Variants in RASEF observed in about 807,000 individuals in gnomAD.
RASEF encodes the protein RAS and EF-hand domain containing, also known as ras and EF-hand domain-containing protein.
A neutral mutation model predicts 90.1 loss-of-function variants in RASEF; 68 were observed. That is an observed-to-expected ratio of 0.75 (90% CI 0.62 to 0.92). The LOEUF (loss-of-function observed/expected upper bound fraction) is 0.92. Ranked by LOEUF, RASEF falls within the 40% of genes least tolerant of loss-of-function variation. RASEF has a pLI of 0.00. For missense variants in RASEF, 949 were observed against 937.2 expected, an observed-to-expected ratio of 1.01 and a Z score of -0.16; for synonymous variants, 331 against 345.2, an observed-to-expected ratio of 0.96 and a Z score of 0.46.
At chr9:83,067,681 A>G (rs140693072), upstream of RASEF, among the ~76,000 whole-genome samples, 1,002 of 152,334 alleles carry the variant, frequency 6.6e-3, 9 homozygotes, top group African/African-American at 0.023. Context: ...AATATCAAAT[A>G]CCATTACATG....
At chr9:83,044,803 G>A (rs1829899961) in intron 1 of RASEF, among the ~76,000 whole-genome samples, 1 of 152,172 alleles carries the variant, frequency 6.6e-6, no homozygotes, top group African/African-American at 2.4e-5. Flanking sequence ...ATGTTGCTGT[G>A]AAGGTACTCT....
the RASEF span, among the ~76,000 whole-genome samples, chr9:83,171,899 A>G: frequency 6.6e-6 from 1 of 151,224 alleles, no homozygotes; most frequent in African/African-American, 2.4e-5. Context: ...TCCTTTTCTT[A>G]GTTTCTATTT....
chr9:83,190,110 C>T, the RASEF span, among the ~76,000 whole-genome samples: 1 of 152,098 alleles, frequency 6.6e-6, no homozygotes, highest in Non-Finnish European at 1.5e-5. Context: ...ATCTCAGTGG[C>T]CTATACTTTC....
At chr9:83,204,165 T>G in the RASEF span, among the ~76,000 whole-genome samples, 1 of 151,974 alleles carries the variant, frequency 6.6e-6, no homozygotes, top group Non-Finnish European at 1.5e-5. Flanking sequence ...GGACCAAGTA[T>G]GGATGGTGAG....
chr9:83,134,876 G>A, the RASEF span, among the ~76,000 whole-genome samples: 2 of 152,084 alleles, frequency 1.3e-5, no homozygotes, highest in East Asian at 1.9e-4. Flanking sequence ...ATCCACCAGT[G>A]GTATCTCTAT....
chr9:83,114,253 G>T, the RASEF span, among the ~76,000 whole-genome samples: 2,092 of 152,204 alleles, frequency 0.014, 53 homozygotes, highest in African/African-American at 0.047. Flanking sequence ...AAGATTTCAT[G>T]GACACTTATC....
At chr9:83,096,265 T>C in the RASEF span, among the ~76,000 whole-genome samples, 3 of 152,166 alleles carry the variant, frequency 2.0e-5, no homozygotes, top group Non-Finnish European at 2.9e-5. Context: ...TCAAACACCA[T>C]GAGCTCTAAA....
the RASEF span, among the ~76,000 whole-genome samples, chr9:83,077,289 C>G: frequency 6.6e-6 from 1 of 152,058 alleles, no homozygotes; most frequent in Admixed American, 6.6e-5. Flanking sequence ...TCAGCTGCAT[C>G]CAGGGTGACA....
At chr9:83,019,886 A>G (rs780216783) in intron 3 of RASEF, among the ~76,000 whole-genome samples, 15 of 152,210 alleles carry the variant, frequency 9.9e-5, no homozygotes, top group Non-Finnish European at 1.5e-4. Context: ...ACAGCGACAG[A>G]AAATAGAACA....
At chr9:83,154,091 T>C in the RASEF span, among the ~76,000 whole-genome samples, 1 of 152,238 alleles carries the variant, frequency 6.6e-6, no homozygotes, top group East Asian at 1.9e-4. Flanking sequence ...AGACTCCAGA[T>C]AGCTGGAAAG....
intron 2 of RASEF, among the ~76,000 whole-genome samples, chr9:83,024,126 C>T (rs572617092): frequency 2.6e-5 from 4 of 152,140 alleles, no homozygotes; most frequent in Non-Finnish European, 4.4e-5. Context: ...TACAAGTAGC[C>T]ATTTAAACAC....
intron 1 of RASEF, chr9:83,055,617 C>A (rs1415680446): frequency 2.8e-6 from 2 of 718,106 alleles, no homozygotes; most frequent in Non-Finnish European, 5.2e-6. Context: ...TAGCCCATGA[C>A]AATGCACACA....
chr9:83,190,271 G>A, the RASEF span, among the ~76,000 whole-genome samples: 18 of 152,166 alleles, frequency 1.2e-4, no homozygotes, highest in East Asian at 2.7e-3. Context: ...AATATAAGCC[G>A]GATGGAAAAC....
intron 3 of RASEF, 132 bp from the exon 4 acceptor site, chr9:83,016,032 G>A: frequency 3.0e-6 from 2 of 660,504 alleles, no homozygotes. Flanking sequence ...AGGTGAGAAA[G>A]GATATCAGAA....
the RASEF span, among the ~76,000 whole-genome samples, chr9:83,183,889 C>T: frequency 6.6e-6 from 1 of 152,160 alleles, no homozygotes; most frequent in Non-Finnish European, 1.5e-5. Flanking sequence ...ATTAGCTTTC[C>T]TCATATAGCA....
chr9:83,106,209 A>T, the RASEF span, among the ~76,000 whole-genome samples: 1 of 152,176 alleles, frequency 6.6e-6, no homozygotes, highest in East Asian at 1.9e-4. Context: ...TTCTTTGCTT[A>T]ATCCCTCCAC....
chr9:83,057,263 C>T (rs1410710992), intron 1 of RASEF, among the ~76,000 whole-genome samples: 3 of 152,138 alleles, frequency 2.0e-5, no homozygotes, highest in Non-Finnish European at 2.9e-5. Flanking sequence ...TGTTGGCTGA[C>T]AATATAATCT....
chr9:83,024,776 G>T (rs113883081), intron 2 of RASEF, among the ~76,000 whole-genome samples: 4,518 of 152,266 alleles, frequency 0.03, 208 homozygotes, highest in African/African-American at 0.1. Context: ...ATGAACCAAA[G>T]GTTCAACTAG....
At chr9:83,063,297 G>C (rs1830251664), upstream of RASEF, 1 of 180,128 alleles carries the variant, frequency 5.6e-6, no homozygotes, top group African/African-American at 2.4e-5. Context: ...TGGCTGGCCG[G>C]AACTGGGATT....
Sources: gnomAD v4.1 joint callset for allele counts (sites outside exome capture counted in the v4.1 genomes callset) on GRCh38, gnomAD v4.1.1 for gene constraint, MANE v1.5 for transcripts, NCBI Gene and HGNC (gene_info 2026-07-23, HGNC 2026-07-21) for gene names.